Variants in PAQR9 observed in about 807,000 individuals in gnomAD.
PAQR9 encodes the protein membrane progestin receptor epsilon.
PAQR9 carries 12 observed loss-of-function variants against 24.0 expected under a neutral mutation model. The observed-to-expected ratio is 0.50, with a 90% confidence interval of 0.32 to 0.81. PAQR9 has a LOEUF of 0.81. Among genes scored for constraint, PAQR9 ranks in the 30% least tolerant of loss-of-function variants. PAQR9 has a pLI of 0.03. For synonymous variants in PAQR9, 266 were observed against 237.6 expected, an observed-to-expected ratio of 1.12 and a Z score of -1.10; for missense variants, 418 against 520.8, an observed-to-expected ratio of 0.80 and a Z score of 1.92.
Position 142,961,588 on chromosome 3 carries a change from C to T in PAQR9, c.*615G>A, listed in dbSNP as rs1934891593. ...TGTGACAAAGAAAATTCAGTGCGTA[C>T]CACAGGCTTTGATAAATTATGAAAA... On this transcript the variant is annotated 3_prime_UTR_variant, in exon 1 of 1. Coordinates refer to ENST00000340634, the MANE Select transcript of PAQR9 (RefSeq NM_198504.4). 6.5e-6 allele frequency: 1 copy of T among 153,934 alleles called. No individual in the cohort carries two copies. Among genetic ancestry groups the T allele is most frequent in the African/African-American group, 2.4e-5 (1 of 41,456 alleles). The allele number at this position is 153,934 out of a possible 1,614,324, so 9.5% of individuals were successfully genotyped here.
At chr3:142,963,960 G>T, upstream of PAQR9, 1 of 885,314 alleles carries the variant, frequency 1.1e-6, no homozygotes, top group Non-Finnish European at 1.4e-6. Flanking sequence ...ACTAGAGTCG[G>T]CCCTGGGGTT....
Position 142,961,240 on chromosome 3 carries a change from T to C in PAQR9, c.*963A>G, listed in dbSNP as rs1216485997. Reference sequence around the variant, plus strand: ...GTTTGAGGACCAGTCATTTGGACTTTGCTTCAAAAGGCACATTTATTCCAG... The same window carrying C: ...GTTTGAGGACCAGTCATTTGGACTTCGCTTCAAAAGGCACATTTATTCCAG... On this transcript the variant is annotated 3_prime_UTR_variant, in exon 1 of 1. Coordinates refer to ENST00000340634, the MANE Select transcript of PAQR9 (RefSeq NM_198504.4). 1 of 152,644 alleles carries C rather than the reference T, an allele frequency of 6.6e-6. No homozygotes were observed. 9.5% of individuals were successfully genotyped at this position (152,644 alleles called of 1,614,324 possible).
rs1477220137 is a variant in PAQR9, at chr3:142,957,444, A to G, written c.*4759T>C. 6.6e-6 allele frequency among the ~76,000 whole-genome samples: 1 copy of G among 152,214 alleles called. No homozygotes were observed. The highest frequency in any genetic ancestry group is 1.5e-5 in the Non-Finnish European group (1 of 68,034). ...CTGACACTTTTTAATGATTTCCTCC[A>G]GATTAATGTTTTCTAAGACATGTTT... On this transcript the variant is annotated 3_prime_UTR_variant, in exon 1 of 1. Coordinates refer to ENST00000340634, the MANE Select transcript of PAQR9 (RefSeq NM_198504.4).
In PAQR9 at chr3:142,963,254, T is replaced by A. The variant is rs1447304984; in HGVS notation, c.83A>T (p.Asn28Ile). The A allele has an allele frequency of 4.6e-6, 7 of 1,529,604 alleles. No individual in the cohort carries two copies. The African/African-American group carries it at 8.3e-5, about 18-fold the overall frequency. 94.8% of individuals were successfully genotyped at this position (1,529,604 alleles called of 1,614,324 possible). A position where few individuals can be genotyped will look rare whatever the true frequency, so the allele number is the denominator to read the frequency against. ...GTCCCGGGAGGCGGCAGAGTGGGAG[T>A]TCCGGGCGGCCCCCGAAGCTGCCGG... is the stretch of plus-strand genomic sequence containing the variant. Reference protein sequence around the residue: ...PAPAASGAARNSHSAASRDPP... With the variant: ...PAPAASGAARISHSAASRDPP... Residue 28 changes from asparagine (N) to isoleucine (I), a missense_variant, in exon 1 of 1, where the codon AAC becomes ATC. Physicochemically the swap from Asn to Ile is moderately radical, Grantham distance 149. Around this residue, in one of 3 missense-constraint regions of PAQR9, gnomAD observed 180 missense variants for 190.3 expected, o/e 0.95. Transcript: ENST00000340634.
At position 142,963,235 on chromosome 3, in the gene PAQR9, G is replaced by T. The variant is rs757071870; in HGVS notation, c.102C>A (p.Ser34=). The change falls in exon 1 of 1, where the codon TCC becomes TCA. Residue 34 remains serine, a synonymous_variant. Coordinates refer to ENST00000340634, the MANE Select transcript of PAQR9 (RefSeq NM_198504.4). The part of the protein sequence containing the change: ...GAARNSHSAA[S]RDPPASAKPL... ...GCTTGGCAGACGCTGGGGGGTCCCGGGAGGCGGCAGAGTGGGAGTTCCGGG... is the reference window on the plus strand; with the variant it reads ...GCTTGGCAGACGCTGGGGGGTCCCGTGAGGCGGCAGAGTGGGAGTTCCGGG... 1.3e-6 allele frequency: 2 copies of T among 1,546,512 alleles called. No homozygotes were observed. Among genetic ancestry groups the T allele is most frequent in the Non-Finnish European group, 1.7e-6 (2 of 1,146,234 alleles).
downstream of PAQR9, chr3:142,949,675 G>A (rs1482706508): frequency 6.6e-6 from 1 of 152,096 alleles, no homozygotes; most frequent in African/African-American, 2.4e-5. Context: ...AGTTTTTGGA[G>A]GTCAGAAACT....
chr3:142,963,223 T>TG lies in PAQR9; in HGVS notation c.113dup (p.Ala39SerfsTer338), dbSNP rs1560160331. 3.9e-6 allele frequency: 6 copies of TG among 1,556,898 alleles called. No homozygotes were observed. The highest frequency in any genetic ancestry group is 5.2e-6 in the Non-Finnish European group (6 of 1,151,176). ...AGCGCAGCAGCGGCTTGGCAGACGC[T>TG]GGGGGGTCCCGGGAGGCGGCAGAGT... On this transcript the variant is annotated frameshift_variant, in exon 1 of 1. Transcript: ENST00000340634. LOFTEE classifies it high-confidence loss of function.
downstream of PAQR9, chr3:142,951,767 T>TC (rs1934715060): frequency 2.2e-6 from 1 of 456,442 alleles, no homozygotes; most frequent in Non-Finnish European, 4.4e-6. Context: ...CTTCACTCTT[T>TC]GAGAAAATTG....
chr3:142,962,722 A>G lies in PAQR9; in HGVS notation c.615T>C (p.Leu205=), dbSNP rs772168289. 2 of 1,612,586 alleles carry G rather than the reference A, an allele frequency of 1.2e-6. No homozygotes were observed. The change falls in exon 1 of 1, where the codon CTT becomes CTC. Residue 205 remains leucine, a synonymous_variant. Coordinates refer to ENST00000340634, the MANE Select transcript of PAQR9 (RefSeq NM_198504.4). Reference sequence around the variant, plus strand: ...GCACCAGGGCGCGGTAGGCGGCGATAAGGCGCGTGCAGTCCACGTGCCAGC... The same window carrying G: ...GCACCAGGGCGCGGTAGGCGGCGATGAGGCGCGTGCAGTCCACGTGCCAGC... ...RLGWHVDCTR[L]IAAYRALVLP... is the part of the protein sequence containing the mutation.
chr3:142,957,898 G>A lies in PAQR9; in HGVS notation c.*4305C>T, dbSNP rs1200842250. 6.6e-6 allele frequency among the ~76,000 whole-genome samples: 1 copy of A among 152,172 alleles called. No individual in the cohort carries two copies. Among genetic ancestry groups the A allele is most frequent in the Non-Finnish European group, 1.5e-5 (1 of 68,020 alleles). On this transcript the variant is annotated 3_prime_UTR_variant, in exon 1 of 1. Coordinates refer to ENST00000340634, the MANE Select transcript of PAQR9 (RefSeq NM_198504.4). ...GATTCTATGGATTGCACTTATGCTA[G>A]CAAAAAAAGAGACCCAAACTCAGGG... is the stretch of plus-strand genomic sequence containing the variant.
At position 142,956,098 on chromosome 3, in the gene PAQR9, A is replaced by ATC. The variant is rs1290834013; in HGVS notation, c.*6104_*6105insGA. On this transcript the variant is annotated 3_prime_UTR_variant, in exon 1 of 1. Coordinates refer to ENST00000340634, the MANE Select transcript of PAQR9 (RefSeq NM_198504.4). ...AATATAAAATTAAAATACTTTTTTA[A>ATC]AAAATTTTCCCAGGAATTTTATTTT... is the stretch of plus-strand genomic sequence containing the variant. Among the ~76,000 whole-genome samples, 1 of 152,226 alleles carries ATC rather than the reference A, an allele frequency of 6.6e-6. No homozygotes were observed. Among genetic ancestry groups the ATC allele is most frequent in the Non-Finnish European group, 1.5e-5 (1 of 68,034 alleles).
chr3:142,962,976 G>A lies in PAQR9; in HGVS notation c.361C>T (p.Pro121Ser). 1 of 1,614,098 alleles carries A rather than the reference G, an allele frequency of 6.2e-7. No individual in the cohort carries two copies. Among genetic ancestry groups the A allele is most frequent in the Non-Finnish European group, 8.5e-7 (1 of 1,180,008 alleles). ...DVPFHHPWLL[P>S]LWCYASGVLL... is the part of the protein sequence containing the mutation. ...ACTCCCGACGCGTAGCACCACAACG[G>A]TAGCAGCCACGGGTGGTGGAAGGGC... Residue 121 changes from proline (P) to serine (S), a missense_variant, in exon 1 of 1, where the codon CCG (proline) becomes TCG (serine). Physicochemically the swap from Pro to Ser is moderately conservative, Grantham distance 74. Transcript: ENST00000340634.
At chr3:142,951,652 A>G (rs1578077014), downstream of PAQR9, 2 of 453,046 alleles carry the variant, frequency 4.4e-6, no homozygotes, top group East Asian at 1.4e-4. Context: ...TTTTCTGAAC[A>G]AGAATTAGAA....
Position 142,963,268 on chromosome 3 carries a change from C to G in PAQR9, c.69G>C (p.Ser23=). ...KGPPAPAPAA[S]GAARNSHSAA... ...CAGAGTGGGAGTTCCGGGCGGCCCC[C>G]GAAGCTGCCGGGGCCGGGGCCGGAG... Residue 23 remains serine (S), a synonymous_variant, in exon 1 of 1, where the codon TCG becomes TCC. Transcript: ENST00000340634. 1 of 1,510,296 alleles carries G rather than the reference C, an allele frequency of 6.6e-7. No individual in the cohort carries two copies. The highest frequency in any genetic ancestry group is 1.9e-4 in the Middle Eastern group (1 of 5,184). The allele number at this position is 1,510,296 out of a possible 1,614,324, so 93.6% of individuals were successfully genotyped here. A position where few individuals can be genotyped will look rare whatever the true frequency, so the allele number is the denominator to read the frequency against.
chr3:142,958,301 A>G lies in PAQR9; in HGVS notation c.*3902T>C, dbSNP rs1414521089. 6.6e-6 allele frequency among the ~76,000 whole-genome samples: 1 copy of G among 152,208 alleles called. No individual in the cohort carries two copies. Among genetic ancestry groups the G allele is most frequent in the Non-Finnish European group, 1.5e-5 (1 of 68,038 alleles). ...TAGTCAATTAAGGGACTGTATCTAT[A>G]TCTCTTTTTCCAATTAGTGTCTGTG... On this transcript the variant is annotated 3_prime_UTR_variant, in exon 1 of 1. Coordinates refer to ENST00000340634, the MANE Select transcript of PAQR9 (RefSeq NM_198504.4).
rs1934783592 is a variant in PAQR9, at chr3:142,955,872, C to G, written c.*6331G>C. Among the ~76,000 whole-genome samples, 2 of 152,052 alleles carry G rather than the reference C, an allele frequency of 1.3e-5. No homozygotes were observed. The highest frequency in any genetic ancestry group is 1.3e-4 in the Admixed American group (2 of 15,266). Reference sequence around the variant, plus strand: ...TAAAACCTATCTCATGTGTTTTCTTCTTTTTTAAAAAATGATTTGTATCCT... The same window carrying G: ...TAAAACCTATCTCATGTGTTTTCTTGTTTTTTAAAAAATGATTTGTATCCT... On this transcript the variant is annotated 3_prime_UTR_variant, in exon 1 of 1. Transcript: ENST00000340634.
Position 142,958,260 on chromosome 3 carries a change from T to G in PAQR9, c.*3943A>C, listed in dbSNP as rs1934825997. 6.6e-6 allele frequency among the ~76,000 whole-genome samples: 1 copy of G among 152,250 alleles called. No homozygotes were observed. The highest frequency in any genetic ancestry group is 2.4e-5 in the African/African-American group (1 of 41,466). On this transcript the variant is annotated 3_prime_UTR_variant, in exon 1 of 1. Coordinates refer to ENST00000340634, the MANE Select transcript of PAQR9 (RefSeq NM_198504.4). Reference sequence around the variant, plus strand: ...TTTCAAAGACAGCCCTATCTCACTTTGCTCAATTTTAAAGTTAGTCAATTA... The same window carrying G: ...TTTCAAAGACAGCCCTATCTCACTTGGCTCAATTTTAAAGTTAGTCAATTA...
In PAQR9 at chr3:142,958,611, T is replaced by G. The variant is rs1428365887; in HGVS notation, c.*3592A>C. Among the ~76,000 whole-genome samples the G allele has an allele frequency of 6.6e-6, 1 of 152,198 alleles. No individual in the cohort carries two copies. Among genetic ancestry groups the G allele is most frequent in the Non-Finnish European group, 1.5e-5 (1 of 68,030 alleles). ...GAAAAAATGATATAAATCACCTCTG[T>G]CCCAAAATTTTGCATTCTTAGAAAT... On this transcript the variant is annotated 3_prime_UTR_variant, in exon 1 of 1. Transcript: ENST00000340634.
rs928873365 is a variant in PAQR9 at position 142,960,362 on chromosome 3, A to G, written c.*1841T>C. ...CTACCTCATATGCATGATCTAAGTT[A>G]TATCATAAAATCAAGATGCACCTGT... On this transcript the variant is annotated 3_prime_UTR_variant, in exon 1 of 1. Coordinates refer to ENST00000340634, the MANE Select transcript of PAQR9 (RefSeq NM_198504.4). 1.3e-5 allele frequency: 2 copies of G among 152,344 alleles called. No individual in the cohort carries two copies. The highest frequency in any genetic ancestry group is 1.9e-4 in the East Asian group (1 of 5,186). The allele number at this position is 152,344 out of a possible 1,614,324, so 9.4% of individuals were successfully genotyped here. A position where few individuals can be genotyped will look rare whatever the true frequency, so the allele number is the denominator to read the frequency against.
Sources: gnomAD v4.1 joint callset for allele counts (sites outside exome capture counted in the v4.1 genomes callset) on GRCh38, gnomAD v4.1.1 for gene constraint, gnomAD v4.1.1 regional missense constraint, MANE v1.5 for transcripts, NCBI Gene and HGNC (gene_info 2026-07-23, HGNC 2026-07-21) for gene names.